Variants in TLL1 observed in about 807,000 individuals in gnomAD.
TLL1 encodes the protein tolloid like 1, also known as tolloid-like protein 1.
A neutral mutation model predicts 128.2 loss-of-function variants in TLL1; 49 were observed. That is an observed-to-expected ratio of 0.38 (90% CI 0.30 to 0.48). TLL1 has a LOEUF of 0.48. Ranked by LOEUF, TLL1 falls within the 20% of genes least tolerant of loss-of-function variation. The probability of loss-of-function intolerance (pLI) is 0.96; values close to 1 mark genes in which losing one functional copy is unlikely to be tolerated. For synonymous variants in TLL1, 454 were observed against 418.8 expected, an observed-to-expected ratio of 1.08 and a Z score of -1.03; for missense variants, 1,123 against 1,242.0, an observed-to-expected ratio of 0.90 and a Z score of 1.44.
chr4:166,005,483 G>A (rs1579612628), intron 6 of TLL1, among the ~76,000 whole-genome samples: 1 of 151,828 alleles, frequency 6.6e-6, no homozygotes, highest in Non-Finnish European at 1.5e-5. Flanking sequence ...AAAAATCAGT[G>A]GATTGTGGTG....
Position 166,074,294 on chromosome 4 carries a change from G to A in TLL1, c.2189-584G>A, listed in dbSNP as rs1740922509. 1.3e-5 allele frequency among the ~76,000 whole-genome samples: 2 copies of A among 148,986 alleles called. 1 individual carries two copies. The highest frequency in any genetic ancestry group is 6.8e-3 in the Middle Eastern group (2 of 292). ...AGTAGTTTAATTATGCCTTTTTTCT[G>A]CTTGGAGTGCTATGAAATGTCCAAA... On this transcript the variant is annotated intron_variant, in intron 16 of 20. Coordinates refer to ENST00000061240, the MANE Select transcript of TLL1 (RefSeq NM_012464.5).
chr4:166,050,596 A>G (rs1739670258), intron 12 of TLL1, among the ~76,000 whole-genome samples: 1 of 152,174 alleles, frequency 6.6e-6, no homozygotes, highest in African/African-American at 2.4e-5. Flanking sequence ...ACTGCAATAG[A>G]TATTTGTGCA....
chr4:165,957,704 T>C (rs1324057525), intron 1 of TLL1, among the ~76,000 whole-genome samples: 1 of 145,570 alleles, frequency 6.9e-6, no homozygotes, highest in Admixed American at 6.7e-5. Flanking sequence ...GATCATTCTT[T>C]TTTTTTTTTT....
At chr4:165,909,410 C>T (rs72695716) in intron 1 of TLL1, among the ~76,000 whole-genome samples, 14,711 of 152,078 alleles carry the variant, frequency 0.097, 859 homozygotes, top group East Asian at 0.17. Flanking sequence ...ATTTAGAAGC[C>T]GTCAGAATGC....
chr4:166,071,943 TCAAAATATAGTG>T (rs893834443), intron 16 of TLL1, among the ~76,000 whole-genome samples: 1 of 152,010 alleles, frequency 6.6e-6, no homozygotes, highest in African/African-American at 2.4e-5. Context: ...AAAATATTTT[TCAAAATATAGTG>T]CAAAATACCA....
At chr4:166,032,135 A>C (rs1384166538) in intron 9 of TLL1, among the ~76,000 whole-genome samples, 1 of 152,070 alleles carries the variant, frequency 6.6e-6, no homozygotes, top group East Asian at 1.9e-4. Context: ...TTTAAGCAAG[A>C]CTAGAGATAT....
At chr4:165,966,201 G>A (rs1735364319) in intron 1 of TLL1, among the ~76,000 whole-genome samples, 1 of 146,446 alleles carries the variant, frequency 6.8e-6, no homozygotes, top group African/African-American at 2.5e-5. Context: ...AAAAAAGAAG[G>A]ATTAGAGGAC....
Position 165,994,465 on chromosome 4 carries a change from C to G in TLL1, c.446C>G (p.Ala149Gly). Reference protein sequence around the residue: ...QNEKNRVPRAATSRTERIWPG... With the variant: ...QNEKNRVPRAGTSRTERIWPG... ...GAGAAAAATCGAGTTCCCAGAGCCG[C>G]TACATCAAGAACGGAAAGAATATGG... The change falls in exon 4 of 21, where the codon GCT (alanine) becomes GGT (glycine). Residue 149 changes from alanine to glycine, a missense_variant. Around this residue, in one of 3 missense-constraint regions of TLL1, gnomAD observed 480 missense variants for 542.4 expected, o/e 0.89. Coordinates refer to ENST00000061240, the MANE Select transcript of TLL1 (RefSeq NM_012464.5). The G allele has an allele frequency of 6.2e-7, 1 of 1,613,988 alleles. No homozygotes were observed. The highest frequency in any genetic ancestry group is 1.1e-5 in the South Asian group (1 of 91,076).
chr4:166,062,081 C>CT (rs1392908104), intron 15 of TLL1, among the ~76,000 whole-genome samples: 1 of 152,116 alleles, frequency 6.6e-6, no homozygotes, highest in African/African-American at 2.4e-5. Context: ...ATCTATATCT[C>CT]TGTGTTGGTA....
rs537633377 is a variant in TLL1, at chr4:165,931,674, G to T, written c.169+57601G>T. Among the ~76,000 whole-genome samples, 8 of 149,442 alleles carry T rather than the reference G, an allele frequency of 5.4e-5. No individual in the cohort carries two copies. The Admixed American group carries it at 5.5e-4, about 10-fold the overall frequency. On this transcript the variant is annotated intron_variant, in intron 1 of 20. Transcript: ENST00000061240. Reference sequence around the variant, plus strand: ...GTGGAGCTTGCAGTGAGCTGAGATTGCACCACTGCACTCCAGCCTGGGCGA... The same window carrying T: ...GTGGAGCTTGCAGTGAGCTGAGATTTCACCACTGCACTCCAGCCTGGGCGA...
intron 15 of TLL1, among the ~76,000 whole-genome samples, chr4:166,062,143 A>G (rs988562704): frequency 1.3e-5 from 2 of 152,140 alleles, no homozygotes; most frequent in Non-Finnish European, 2.9e-5. Flanking sequence ...GTTTGAAGTC[A>G]GGTAGCATGA....
At chr4:165,883,888 C>G (rs1731067372) in intron 1 of TLL1, among the ~76,000 whole-genome samples, 1 of 152,184 alleles carries the variant, frequency 6.6e-6, no homozygotes, top group African/African-American at 2.4e-5. Flanking sequence ...GCCTAATACA[C>G]TCAAAATATA....
At chr4:165,917,847 T>C (rs2110883325) in intron 1 of TLL1, among the ~76,000 whole-genome samples, 1 of 152,298 alleles carries the variant, frequency 6.6e-6, no homozygotes, top group East Asian at 1.9e-4. Context: ...AATGTAAGAA[T>C]TATAGAATTG....
At chr4:166,019,151 CA>C (rs1235224441) in intron 8 of TLL1, among the ~76,000 whole-genome samples, 1 of 152,096 alleles carries the variant, frequency 6.6e-6, no homozygotes, top group Non-Finnish European at 1.5e-5. Flanking sequence ...ATGTCCTTTT[CA>C]GCCGCATGGA....
At chr4:165,973,483 C>G (rs534965651) in intron 1 of TLL1, among the ~76,000 whole-genome samples, 1 of 152,050 alleles carries the variant, frequency 6.6e-6, no homozygotes, top group South Asian at 2.1e-4. Context: ...CTTTTGGTTA[C>G]AGTCCCTTGC....
chr4:166,042,014 T>G lies in TLL1; in HGVS notation c.1262-13T>G. ...TATTTAGGAGTTTCTCTTTATTCTT[T>G]TATTTCTTTTAGGTAGATTCTGTGG... On this transcript the variant is annotated splice_polypyrimidine_tract_variant and intron_variant, in intron 10 of 20. Transcript: ENST00000061240. 6.4e-7 allele frequency: 1 copy of G among 1,574,768 alleles called. No homozygotes were observed. The highest frequency in any genetic ancestry group is 2.3e-5 in the East Asian group (1 of 44,344).
At chr4:165,963,503 A>G (rs1318728897) in intron 1 of TLL1, among the ~76,000 whole-genome samples, 1 of 151,492 alleles carries the variant, frequency 6.6e-6, no homozygotes, top group Non-Finnish European at 1.5e-5. Context: ...TTTATCAGGT[A>G]AGTGGGGGAG....
chr4:165,891,019 A>C lies in TLL1; in HGVS notation c.169+16946A>C, dbSNP rs188790661. 6.1e-3 allele frequency among the ~76,000 whole-genome samples: 923 copies of C among 152,274 alleles called. 14 individuals are homozygous for C. The highest frequency in any genetic ancestry group is 0.021 in the African/African-American group (886 of 41,560). On this transcript the variant is annotated intron_variant, in intron 1 of 20. Coordinates refer to ENST00000061240, the MANE Select transcript of TLL1 (RefSeq NM_012464.5). ...TCTTGACTTCTGTGCACCCCCAGGC[A>C]CACCACCACATATAAGCCACCAAAG...
At chr4:166,091,459 A>G (rs1741779002) in intron 19 of TLL1, 118 bp downstream of exon 19, 1 of 818,336 alleles carries the variant, frequency 1.2e-6, no homozygotes, top group African/African-American at 1.7e-5. Context: ...ATAAAATTTC[A>G]CTGAAGCACT....
Sources: gnomAD v4.1 joint callset for allele counts (sites outside exome capture counted in the v4.1 genomes callset) on GRCh38, gnomAD v4.1.1 for gene constraint, gnomAD v4.1.1 regional missense constraint, MANE v1.5 for transcripts, NCBI Gene and HGNC (gene_info 2026-07-23, HGNC 2026-07-21) for gene names.